KAZN: variants seen among roughly 807,000 people sequenced by gnomAD.
KAZN encodes kazrin, periplakin interacting protein.
A neutral mutation model predicts 87.4 loss-of-function variants in KAZN; 40 were observed. The ratio of observed to expected loss-of-function variants is 0.46; its 90% confidence interval spans 0.36 to 0.60. The LOEUF (loss-of-function observed/expected upper bound fraction) is 0.60. KAZN is among the 20% of genes least tolerant of loss of function. KAZN has a pLI of 0.00. For synonymous variants in KAZN, 466 were observed against 458.3 expected (o/e 1.02, Z -0.22); for missense variants, 898 against 1,073.9 (o/e 0.84, Z 2.29).
intron 1 of KAZN, among the ~76,000 whole-genome samples, chr1:14,082,108 C>T (rs3817955): frequency 0.099 from 15,122 of 152,144 alleles, 924 homozygotes; most frequent in East Asian, 0.13. Context: ...TCTGATGGGG[C>T]TGCCTGGCCA....
intron 1 of KAZN, among the ~76,000 whole-genome samples, chr1:14,756,338 C>A (rs1458233196): frequency 6.6e-6 from 1 of 152,170 alleles, no homozygotes; most frequent in Non-Finnish European, 1.5e-5. Flanking sequence ...GAGACAAGCA[C>A]GCCCCGGCAA....
At chr1:13,968,916 A>G (rs1642038812) in intron 1 of KAZN, among the ~76,000 whole-genome samples, 1 of 152,138 alleles carries the variant, frequency 6.6e-6, no homozygotes, top group Admixed American at 6.5e-5. Flanking sequence ...CCTGCTTGCT[A>G]AGATTCCATA....
chr1:14,364,498 G>T (rs1659800160), intron 2 of KAZN, among the ~76,000 whole-genome samples: 1 of 152,062 alleles, frequency 6.6e-6, no homozygotes, highest in Non-Finnish European at 1.5e-5. Flanking sequence ...TAATGATGCT[G>T]GCCTAATAGA....
chr1:14,638,339 C>T (rs921454620), intron 1 of KAZN, among the ~76,000 whole-genome samples: 7 of 152,040 alleles, frequency 4.6e-5, no homozygotes, highest in Non-Finnish European at 7.4e-5. Context: ...GAGGCCGAGG[C>T]GGGCGGATCA....
chr1:14,712,065 A>G (rs1557907772), intron 1 of KAZN, among the ~76,000 whole-genome samples: 1 of 152,212 alleles, frequency 6.6e-6, no homozygotes, highest in Non-Finnish European at 1.5e-5. Context: ...AAGGGGAAGA[A>G]GAGTAGGGGA....
chr1:14,093,660 A>C (rs899447903), intron 1 of KAZN, among the ~76,000 whole-genome samples: 17 of 152,202 alleles, frequency 1.1e-4, no homozygotes, highest in Non-Finnish European at 4.4e-5. Context: ...TCTGCTGAAA[A>C]AAAAACAAAA....
chr1:14,888,933 G>C (rs1467322674), intron 1 of KAZN, among the ~76,000 whole-genome samples: 1 of 152,158 alleles, frequency 6.6e-6, no homozygotes, highest in Non-Finnish European at 1.5e-5. Context: ...CAATCTTTTG[G>C]CTCCCCTAGG....
At chr1:14,038,708 G>A (rs1641669006) in intron 1 of KAZN, among the ~76,000 whole-genome samples, 1 of 152,148 alleles carries the variant, frequency 6.6e-6, no homozygotes, top group African/African-American at 2.4e-5. Flanking sequence ...CTTGCCTTAG[G>A]TCATACCTGT....
intron 2 of KAZN, among the ~76,000 whole-genome samples, chr1:15,033,976 G>C (rs999112911): frequency 6.6e-6 from 1 of 152,242 alleles, no homozygotes; most frequent in Admixed American, 6.5e-5. Context: ...CTGATCTCAA[G>C]TGATCGGCCT....
chr1:14,661,867 G>A (rs1013303342), intron 1 of KAZN, among the ~76,000 whole-genome samples: 1 of 152,168 alleles, frequency 6.6e-6, no homozygotes, highest in Non-Finnish European at 1.5e-5. Flanking sequence ...AGTGAGCCGA[G>A]ATCACGCCAC....
chr1:15,102,269 C>T (rs1641100767), intron 11 of KAZN, among the ~76,000 whole-genome samples: 1 of 152,036 alleles, frequency 6.6e-6, no homozygotes, highest in Non-Finnish European at 1.5e-5. Flanking sequence ...AAAGAAAACC[C>T]AGAGAAGTCT....
intron 1 of KAZN, among the ~76,000 whole-genome samples, chr1:14,040,668 G>A (rs1055463421): frequency 9.9e-5 from 15 of 152,114 alleles, no homozygotes; most frequent in Admixed American, 5.9e-4. Context: ...CTGGGGCTGA[G>A]GCAGGAGAAT....
At chr1:15,108,752 G>A (rs570688082) in intron 13 of KAZN, among the ~76,000 whole-genome samples, 3 of 152,264 alleles carry the variant, frequency 2.0e-5, no homozygotes, top group Admixed American at 6.5e-5. Flanking sequence ...AGTGCCCAGG[G>A]TTCTCTACAT....
At position 15,056,280 on chromosome 1, in the gene KAZN, G is replaced by A. The variant is rs756895632; in HGVS notation, c.916G>A (p.Ala306Thr). The change falls in exon 5 of 15, where the codon GCG (alanine) becomes ACG (threonine). Residue 306 changes from alanine to threonine, a missense_variant and splice_region_variant. By Grantham distance (58) the Ala-to-Thr change is moderately conservative. Coordinates refer to ENST00000376030, the MANE Select transcript of KAZN (RefSeq NM_201628.3). The surrounding 1 kb of genome is among the most constrained non-coding windows in gnomAD (Gnocchi z 5.4). ...SHPPHPADRQ[A>T]VRVSPCHSRQ... ...CCCCCCTCACCCTGCGGACCGGCAA[G>A]GTGAGTCCTGCCCTGGCCTGGCTCC... 3 of 1,601,646 alleles carry A rather than the reference G, an allele frequency of 1.9e-6. No homozygotes were observed. The highest frequency in any genetic ancestry group is 2.2e-5 in the South Asian group (2 of 90,550).
chr1:14,776,516 CTTA>C (rs1645179162), intron 1 of KAZN, among the ~76,000 whole-genome samples: 1 of 152,296 alleles, frequency 6.6e-6, no homozygotes, highest in Non-Finnish European at 1.5e-5. Flanking sequence ...ACCTCTTCTT[CTTA>C]TACTGTTGAA....
intron 1 of KAZN, among the ~76,000 whole-genome samples, chr1:14,687,838 A>G (rs917749126): frequency 3.9e-5 from 6 of 152,192 alleles, no homozygotes; most frequent in African/African-American, 1.4e-4. Context: ...CTGCAGTTTT[A>G]ATTATGCAAA....
intron 1 of KAZN, among the ~76,000 whole-genome samples, chr1:13,990,090 A>G (rs1254654770): frequency 6.6e-6 from 1 of 152,240 alleles, no homozygotes; most frequent in Non-Finnish European, 1.5e-5. Flanking sequence ...ATCAAAAACA[A>G]ACTTTACTTT....
At chr1:14,446,008 T>A (rs910922200) in intron 2 of KAZN, among the ~76,000 whole-genome samples, 3 of 147,064 alleles carry the variant, frequency 2.0e-5, no homozygotes, top group African/African-American at 7.6e-5. Flanking sequence ...CTGAGCAACA[T>A]GGCAAGACCC....
intron 2 of KAZN, among the ~76,000 whole-genome samples, chr1:14,486,194 A>G (rs1377513479): frequency 1.3e-5 from 2 of 152,220 alleles, no homozygotes; most frequent in African/African-American, 4.8e-5. Flanking sequence ...CAGGAAATAT[A>G]TATCTAGATG....
Sources: gnomAD v4.1 joint callset for allele counts (sites outside exome capture counted in the v4.1 genomes callset) on GRCh38, gnomAD v4.1.1 for gene constraint, Gnocchi (gnomAD v3.1) non-coding constraint, MANE v1.5 for transcripts, NCBI Gene and HGNC (gene_info 2026-07-23, HGNC 2026-07-21) for gene names.